The following MDM1 variants were observed in gnomAD, a reference collection of about 807,000 sequenced individuals.
The protein encoded by MDM1 is stabilizer of axonemal microtubules 6, also known as Mdm1 nuclear protein.
MDM1 carries 61 observed loss-of-function variants against 89.1 expected under a neutral mutation model. The ratio of observed to expected loss-of-function variants is 0.68; its 90% CI spans 0.56 to 0.85. MDM1 has a LOEUF of 0.85. MDM1 is among the 40% of genes least tolerant of loss of function. MDM1 has a pLI of 0.00. For missense variants in MDM1, 820 were observed against 846.5 expected (o/e 0.97, Z 0.39); for synonymous variants, 290 against 294.1 (o/e 0.99, Z 0.14).
intron 8 of MDM1, 46 bp downstream of exon 8, chr12:68,316,535 C>T (rs780828677): frequency 3.8e-5 from 55 of 1,459,902 alleles, no homozygotes; most frequent in Non-Finnish European, 4.8e-5. Context: ...TGAAATTACA[C>T]AAGTAATCTA....
intron 12 of MDM1, among the ~76,000 whole-genome samples, chr12:68,313,194 A>G (rs552229738): frequency 5.9e-5 from 9 of 152,224 alleles, no homozygotes; most frequent in Non-Finnish European, 8.8e-5. Context: ...CAGATGCTCA[A>G]TGAAAGTATT....
chr12:68,304,050 T>C (rs1029741785), intron 12 of MDM1, among the ~76,000 whole-genome samples: 2 of 152,096 alleles, frequency 1.3e-5, no homozygotes, highest in Non-Finnish European at 2.9e-5. Flanking sequence ...AGGCAGAGAT[T>C]GCAGTAAGCC....
intron 13 of MDM1, among the ~76,000 whole-genome samples, chr12:68,300,507 G>A (rs985235960): frequency 1.3e-5 from 2 of 151,972 alleles, no homozygotes; most frequent in African/African-American, 4.8e-5. Context: ...AAGCAAGCAG[G>A]AGTCTTATAT....
In MDM1 at chr12:68,315,113, T is replaced by C. The variant is rs1471298478; in HGVS notation, c.1364A>G (p.Asp455Gly). 1.2e-6 allele frequency: 2 copies of C among 1,614,034 alleles called. No individual in the cohort carries two copies. Among genetic ancestry groups the C allele is most frequent in the African/African-American group, 2.7e-5 (2 of 74,910 alleles). ...TIPVRRRLAW[D>G]TENTSEDVQK... is the part of the protein sequence containing the mutation. The stretch of plus-strand genomic sequence containing the variant: ...TACGTCTTCACTTGTGTTCTCTGTA[T>C]CCCAAGCCAGCCGCCTTCTAACGGG... The change falls in exon 10 of 15, where the codon GAT (aspartate) becomes GGT (glycine). Residue 455 changes from aspartate to glycine, a missense_variant. Transcript: ENST00000682720.
intron 2 of MDM1, chr12:68,327,403 T>C: frequency 6.5e-7 from 1 of 1,535,680 alleles, no homozygotes; most frequent in South Asian, 1.2e-5. Flanking sequence ...CCTGGTACTG[T>C]CAAAATTTGG....
intron 5 of MDM1, 66 bp from the exon 6 acceptor site, chr12:68,321,694 G>T (rs1374103561): frequency 1.1e-5 from 11 of 980,618 alleles, no homozygotes; most frequent in South Asian, 1.6e-5. Context: ...AAACATGCAT[G>T]TTATAAAGTT....
intron 10 of MDM1, 23 bp downstream of exon 10, chr12:68,314,925 A>G (rs1378737872): frequency 3.8e-6 from 6 of 1,576,830 alleles, no homozygotes; most frequent in Non-Finnish European, 5.2e-6. Context: ...GCTTCTCTAT[A>G]CTGAGTAATT....
rs971238506 is a variant in MDM1, at chr12:68,295,049, T to TAC, written c.*204_*205insGT. The TAC allele has an allele frequency of 1.2e-4, 40 of 347,074 alleles. No individual in the cohort carries two copies. Among genetic ancestry groups the TAC allele is most frequent in the Non-Finnish European group, 2.1e-4 (39 of 187,602 alleles). The allele number at this position is 347,074 out of a possible 1,614,324, so 21.5% of individuals were successfully genotyped here. ...AATTCAATAATCTAGGTCTTTGTAC[T>TAC]CTGGGATAGATGTAAAAAGAATTCT... On this transcript the variant is annotated 3_prime_UTR_variant, in exon 15 of 15. Transcript: ENST00000682720.
At chr12:68,323,558 G>A (rs916087231) in intron 4 of MDM1, among the ~76,000 whole-genome samples, 3 of 151,918 alleles carry the variant, frequency 2.0e-5, no homozygotes, top group African/African-American at 7.3e-5. Context: ...CTTCCTCCCT[G>A]ACATGATTTT....
chr12:68,332,206 G>A (rs2121228914), intron 1 of MDM1, 22 bp downstream of exon 1: 2 of 1,550,798 alleles, frequency 1.3e-6, no homozygotes, highest in Non-Finnish European at 1.7e-6. Context: ...GCCACATTCC[G>A]GCCCGGGGAC....
intron 3 of MDM1, chr12:68,326,006 T>A (rs2121140000): frequency 1.0e-6 from 1 of 994,166 alleles, no homozygotes; most frequent in Non-Finnish European, 1.2e-6. Context: ...AGCTACAGAT[T>A]CTTCTCCAAC....
At chr12:68,322,912 C>T (rs909490647) in intron 5 of MDM1, among the ~76,000 whole-genome samples, 161 bp downstream of exon 5, 11 of 152,178 alleles carry the variant, frequency 7.2e-5, no homozygotes, top group Non-Finnish European at 1.6e-4. Flanking sequence ...AGTACCAACC[C>T]ATGTCTGCTC....
intron 2 of MDM1, chr12:68,327,419 T>C (rs1276752312): frequency 1.3e-6 from 2 of 1,535,786 alleles, no homozygotes; most frequent in Non-Finnish European, 1.7e-6. Flanking sequence ...TTTGGAACTT[T>C]TCACAAAGCT....
At chr12:68,297,472 G>T (rs188452714) in intron 13 of MDM1, among the ~76,000 whole-genome samples, 1 of 152,326 alleles carries the variant, frequency 6.6e-6, no homozygotes, top group African/African-American at 2.4e-5. Context: ...CAGCAGAAGA[G>T]TGAAACCAAG....
At chr12:68,312,133 A>T (rs1873780870) in intron 12 of MDM1, among the ~76,000 whole-genome samples, 1 of 152,112 alleles carries the variant, frequency 6.6e-6, no homozygotes, top group Non-Finnish European at 1.5e-5. Context: ...CACCCCCTTG[A>T]TGATTTCCTC....
intron 13 of MDM1, among the ~76,000 whole-genome samples, chr12:68,301,870 G>T (rs1248073227): frequency 6.6e-6 from 1 of 152,022 alleles, no homozygotes; most frequent in Admixed American, 6.6e-5. Flanking sequence ...CAGAGACAGG[G>T]TTTCATCATG....
chr12:68,311,122 T>C lies in MDM1; in HGVS notation c.1749+2321A>G, dbSNP rs563279052. ...TTCTTCATATATACCTCAACTCCAT[T>C]CCCCTTTTTCTCACTTTGTCTTATT... On this transcript the variant is annotated intron_variant, in intron 12 of 14. Transcript: ENST00000682720. 3.3e-5 allele frequency among the ~76,000 whole-genome samples: 5 copies of C among 152,174 alleles called. No individual in the cohort carries two copies. In the South Asian group the frequency reaches 1.0e-3, roughly 32 times the overall value.
chr12:68,310,714 C>T (rs1873556245), intron 12 of MDM1, among the ~76,000 whole-genome samples: 1 of 152,228 alleles, frequency 6.6e-6, no homozygotes, highest in African/African-American at 2.4e-5. Flanking sequence ...GTTCTAAGCA[C>T]TGGGGATTAA....
chr12:68,316,643 T>C (rs1363887547), intron 7 of MDM1, 33 bp from the exon 8 acceptor site: 3 of 1,485,526 alleles, frequency 2.0e-6, no homozygotes, highest in Non-Finnish European at 2.7e-6. Context: ...CACTTAATGA[T>C]AGGTTAATGC....
Sources: allele counts gnomAD v4.1 joint callset (sites outside exome capture counted in the v4.1 genomes callset), GRCh38; gene constraint gnomAD v4.1.1; transcripts MANE v1.5; gene names NCBI Gene and HGNC (gene_info 2026-07-23, HGNC 2026-07-21).